The following DCC variants were observed in gnomAD, a reference collection of about 807,000 sequenced individuals.
DCC encodes DCC netrin 1 receptor.
In DCC, 58 loss-of-function variants were observed where a neutral mutation model predicts 172.5. The ratio of observed to expected loss-of-function variants is 0.34; its 90% CI spans 0.27 to 0.42. The LOEUF (loss-of-function observed/expected upper bound fraction) is 0.42, where lower values mean the gene tolerates loss of function less well. Ranked by LOEUF, DCC falls within the 10% of genes least tolerant of loss-of-function variation. The pLI is 1.00. For missense variants in DCC, 1,740 were observed against 1,791.0 expected, an observed-to-expected ratio of 0.97 and a Z score of 0.51; for synonymous variants, 709 against 644.5, an observed-to-expected ratio of 1.10 and a Z score of -1.52.
intron 27 of DCC, among the ~76,000 whole-genome samples, chr18:53,506,551 T>G (rs1158936811): frequency 6.6e-6 from 1 of 151,964 alleles, no homozygotes; most frequent in Non-Finnish European, 1.5e-5. Flanking sequence ...AAGAATAGAA[T>G]TCTCTGCGTT....
intron 2 of DCC, among the ~76,000 whole-genome samples, chr18:52,846,345 G>A (rs956466640): frequency 2.0e-5 from 3 of 151,980 alleles, no homozygotes; most frequent in East Asian, 1.9e-4. Context: ...AGTTCCAGAC[G>A]AGCCCGGGCA....
At chr18:53,041,915 T>C (rs545160043) in intron 5 of DCC, among the ~76,000 whole-genome samples, 1 of 152,134 alleles carries the variant, frequency 6.6e-6, no homozygotes, top group South Asian at 2.1e-4. Context: ...GGGGCTGAGA[T>C]GAGATTTTCT....
At chr18:52,736,376 T>A (rs2036730002) in intron 1 of DCC, among the ~76,000 whole-genome samples, 1 of 152,036 alleles carries the variant, frequency 6.6e-6, no homozygotes, top group Non-Finnish European at 1.5e-5. Context: ...TGATTTAAGA[T>A]GGTCAGTAAT....
intron 15 of DCC, among the ~76,000 whole-genome samples, chr18:53,348,961 G>A (rs1274253834): frequency 6.6e-6 from 1 of 151,780 alleles, no homozygotes; most frequent in East Asian, 1.9e-4. Context: ...TTGTGTTGGT[G>A]ATTAATATTT....
At chr18:53,458,464 G>A (rs1158340229) in intron 23 of DCC, among the ~76,000 whole-genome samples, 2 of 152,176 alleles carry the variant, frequency 1.3e-5, no homozygotes, top group African/African-American at 4.8e-5. Flanking sequence ...TGTAGAGAAT[G>A]ACTAACATGA....
At chr18:52,952,648 A>G (rs191684993) in intron 5 of DCC, among the ~76,000 whole-genome samples, 22 of 152,294 alleles carry the variant, frequency 1.4e-4, no homozygotes, top group Middle Eastern at 6.8e-3. Context: ...TTCCATAAAC[A>G]GAGCTAATTT....
intron 1 of DCC, among the ~76,000 whole-genome samples, chr18:52,425,659 G>T (rs1987399763): frequency 6.6e-6 from 1 of 152,108 alleles, no homozygotes; most frequent in Admixed American, 6.6e-5. Flanking sequence ...CCTTCCTGAA[G>T]TTGAATAAGA....
At chr18:52,403,532 C>T (rs192031345) in intron 1 of DCC, among the ~76,000 whole-genome samples, 45 of 152,086 alleles carry the variant, frequency 3.0e-4, no homozygotes, top group Middle Eastern at 3.4e-3. Context: ...GGTCAGTAAA[C>T]ATGGGAATAA....
chr18:52,915,063 A>G (rs1346048398), intron 3 of DCC, among the ~76,000 whole-genome samples: 1 of 152,288 alleles, frequency 6.6e-6, no homozygotes, highest in Admixed American at 6.5e-5. Flanking sequence ...TTTGAGGAAG[A>G]CAGTTATTAA....
At chr18:52,635,219 C>A (rs2034751180) in intron 1 of DCC, among the ~76,000 whole-genome samples, 1 of 152,216 alleles carries the variant, frequency 6.6e-6, no homozygotes, top group East Asian at 1.9e-4. Context: ...CAGATAACAC[C>A]TCTCTCCAAG....
chr18:52,508,961 G>C (rs1055411322), intron 1 of DCC, among the ~76,000 whole-genome samples: 1 of 152,208 alleles, frequency 6.6e-6, no homozygotes, highest in Non-Finnish European at 1.5e-5. Context: ...TGCGACTGGC[G>C]TCACTGACTG....
intron 13 of DCC, 69 bp from the exon 14 acceptor site, chr18:53,321,978 T>C (rs1375526228): frequency 1.2e-6 from 1 of 861,288 alleles, no homozygotes; most frequent in Non-Finnish European, 2.0e-6. Context: ...GCTGAAGCTT[T>C]TGGAAACCCA....
At chr18:52,982,984 G>A (rs564044095) in intron 5 of DCC, among the ~76,000 whole-genome samples, 2 of 152,068 alleles carry the variant, frequency 1.3e-5, no homozygotes, top group African/African-American at 2.4e-5. Context: ...AGTATCTCCT[G>A]GTTTGCCTGG....
intron 14 of DCC, among the ~76,000 whole-genome samples, chr18:53,327,734 C>A (rs1464260369): frequency 6.6e-6 from 1 of 151,990 alleles, no homozygotes; most frequent in Admixed American, 6.6e-5. Context: ...GTAAGGAGTG[C>A]GATTTACACC....
chr18:53,206,340 T>C (rs184021308), intron 10 of DCC, among the ~76,000 whole-genome samples: 649 of 51,288 alleles, frequency 0.013, 8 homozygotes, highest in Middle Eastern at 0.026. Context: ...CACATATATG[T>C]ATATATGTAT....
intron 1 of DCC, among the ~76,000 whole-genome samples, chr18:52,723,202 G>T (rs2036499412): frequency 6.6e-6 from 1 of 152,046 alleles, no homozygotes; most frequent in Non-Finnish European, 1.5e-5. Context: ...TTGTTTGTTT[G>T]TCTTTTTGCT....
intron 9 of DCC, among the ~76,000 whole-genome samples, chr18:53,194,905 G>C (rs1055555938): frequency 2.0e-5 from 3 of 152,168 alleles, no homozygotes; most frequent in Admixed American, 2.0e-4. Context: ...TGACAGTTAA[G>C]AAGATTAAAT....
chr18:52,594,752 C>A (rs574529025), intron 1 of DCC, among the ~76,000 whole-genome samples: 1 of 152,136 alleles, frequency 6.6e-6, no homozygotes, highest in South Asian at 2.1e-4. Context: ...ATGGCAAAAA[C>A]AGGAGCAAGA....
At chr18:52,405,700 T>C (rs1028318653) in intron 1 of DCC, among the ~76,000 whole-genome samples, 5 of 151,784 alleles carry the variant, frequency 3.3e-5, no homozygotes, top group Admixed American at 1.3e-4. Context: ...GAACATTCCA[T>C]GCTTATGGGT....
Sources: gnomAD v4.1 joint callset for allele counts (sites outside exome capture counted in the v4.1 genomes callset) on GRCh38, gnomAD v4.1.1 for gene constraint, MANE v1.5 for transcripts, NCBI Gene and HGNC (gene_info 2026-07-23, HGNC 2026-07-21) for gene names.